RARB: variants seen among roughly 807,000 people sequenced by gnomAD.
RARB encodes the protein HBV-activated protein.
In RARB, 17 loss-of-function variants were observed where a neutral mutation model predicts 51.9. The observed-to-expected ratio is 0.33, with a 90% CI of 0.22 to 0.49. The LOEUF (loss-of-function observed/expected upper bound fraction) is 0.49, where lower values mean the gene tolerates loss of function less well. Among genes scored for constraint, RARB ranks in the 20% least tolerant of loss-of-function variants. RARB has a pLI of 0.99. For missense variants in RARB, 369 were observed against 550.8 expected (o/e 0.67, Z 3.30); for synonymous variants, 215 against 195.4 (o/e 1.10, Z -0.84).
At chr3:25,368,855 G>A (rs1045523925) in intron 5 of RARB, among the ~76,000 whole-genome samples, 5 of 152,106 alleles carry the variant, frequency 3.3e-5, no homozygotes, top group African/African-American at 1.2e-4. Context: ...AGACCCGTTT[G>A]GATAGTCATT....
chr3:25,033,592 T>G (rs532546189), intron 2 of RARB, among the ~76,000 whole-genome samples: 1 of 152,114 alleles, frequency 6.6e-6, no homozygotes, highest in Non-Finnish European at 1.5e-5. Context: ...ATGTTGACAA[T>G]CAGGTCAACA....
intron 2 of RARB, chr3:25,462,522 C>T (rs1695235948): frequency 6.6e-6 from 1 of 152,206 alleles, no homozygotes; most frequent in African/African-American, 2.4e-5. Flanking sequence ...TACAGGTACT[C>T]CATGGCATTT....
At chr3:25,510,024 A>G (rs1387540159) in intron 3 of RARB, among the ~76,000 whole-genome samples, 3 of 152,122 alleles carry the variant, frequency 2.0e-5, no homozygotes, top group Non-Finnish European at 4.4e-5. Flanking sequence ...GCTGGGGAGG[A>G]TATCAGTGGT....
intron 2 of RARB, among the ~76,000 whole-genome samples, chr3:25,488,394 A>C (rs926124443): frequency 6.6e-5 from 10 of 152,224 alleles, no homozygotes; most frequent in African/African-American, 2.4e-4. Flanking sequence ...GGAGAGACTG[A>C]AGTGCTTTTG....
At chr3:25,362,407 G>T (rs574403347) in intron 5 of RARB, among the ~76,000 whole-genome samples, 51 of 152,326 alleles carry the variant, frequency 3.3e-4, no homozygotes, top group African/African-American at 1.1e-3. Context: ...CATTCCAGTG[G>T]ATTTTAGCTT....
intron 3 of RARB, among the ~76,000 whole-genome samples, chr3:25,556,551 A>G (rs1575516217): frequency 6.6e-6 from 1 of 152,216 alleles, no homozygotes; most frequent in African/African-American, 2.4e-5. Flanking sequence ...TGAGCCATAT[A>G]TAGCTTTGGA....
intron 5 of RARB, among the ~76,000 whole-genome samples, chr3:25,321,982 T>C (rs936041158): frequency 6.6e-6 from 1 of 150,888 alleles, no homozygotes; most frequent in Non-Finnish European, 1.5e-5. Flanking sequence ...AATTAAAAGA[T>C]AATAGTTGAA....
intron 2 of RARB, among the ~76,000 whole-genome samples, chr3:25,473,377 T>C (rs1193296356): frequency 3.3e-5 from 5 of 150,966 alleles, no homozygotes. Context: ...TTGTCTGGGG[T>C]GAAGGGGAAA....
intron 5 of RARB, among the ~76,000 whole-genome samples, chr3:25,397,998 A>G (rs74718943): frequency 0.058 from 8,872 of 152,206 alleles, 282 homozygotes; most frequent in African/African-American, 0.09. Context: ...AGTCTTTAAA[A>G]TTTAGGCTGA....
At chr3:25,296,930 C>T (rs1473687516) in intron 5 of RARB, among the ~76,000 whole-genome samples, 1 of 152,186 alleles carries the variant, frequency 6.6e-6, no homozygotes, top group African/African-American at 2.4e-5. Context: ...CCTTCAGTGT[C>T]ATGGGCAGTC....
At chr3:25,578,154 A>G (rs1316163381) in intron 4 of RARB, among the ~76,000 whole-genome samples, 1 of 152,248 alleles carries the variant, frequency 6.6e-6, no homozygotes, top group Non-Finnish European at 1.5e-5. Flanking sequence ...TGCTCCCCAC[A>G]GCCGCCTTCA....
intron 5 of RARB, among the ~76,000 whole-genome samples, chr3:25,333,748 G>C (rs985164189): frequency 1.3e-5 from 2 of 152,128 alleles, no homozygotes; most frequent in African/African-American, 4.8e-5. Context: ...GCAACCTACA[G>C]AATGGGAGTA....
At chr3:25,262,629 A>G (rs1272512849) in intron 5 of RARB, among the ~76,000 whole-genome samples, 6 of 152,084 alleles carry the variant, frequency 3.9e-5, no homozygotes, top group Non-Finnish European at 7.3e-5. Context: ...TTCTCACACT[A>G]TATCAATCTG....
chr3:25,391,300 G>T (rs577831448), intron 5 of RARB, among the ~76,000 whole-genome samples: 299 of 152,112 alleles, frequency 2.0e-3, no homozygotes, highest in Non-Finnish European at 3.7e-3. Context: ...ATTGTCTTAT[G>T]GGCATTTGGG....
chr3:25,276,890 G>A (rs1453408732), intron 5 of RARB, among the ~76,000 whole-genome samples: 1 of 152,120 alleles, frequency 6.6e-6, no homozygotes, highest in African/African-American at 2.4e-5. Flanking sequence ...CTGTATAACA[G>A]CTCATAAAAT....
chr3:25,317,277 G>T (rs1270673004), intron 5 of RARB, among the ~76,000 whole-genome samples: 2 of 152,046 alleles, frequency 1.3e-5, no homozygotes, highest in Non-Finnish European at 2.9e-5. Context: ...GTGGTTGGAT[G>T]AAAGGGAGGG....
chr3:25,222,933 G>T (rs1198327635), intron 5 of RARB, among the ~76,000 whole-genome samples: 1 of 152,132 alleles, frequency 6.6e-6, no homozygotes, highest in African/African-American at 2.4e-5. Context: ...TTACCAGAAT[G>T]AATAGGATTT....
intron 5 of RARB, among the ~76,000 whole-genome samples, chr3:25,210,019 C>T (rs1477887489): frequency 6.6e-6 from 1 of 152,172 alleles, no homozygotes; most frequent in Non-Finnish European, 1.5e-5. Context: ...AATTACCCCA[C>T]AAGACATTCT....
chr3:25,186,166 T>A (rs1332532344), intron 5 of RARB, among the ~76,000 whole-genome samples: 1 of 152,010 alleles, frequency 6.6e-6, no homozygotes, highest in Non-Finnish European at 1.5e-5. Context: ...AACAAAAGAT[T>A]TTATTTCACT....
Sources: gnomAD v4.1 joint callset for allele counts (sites outside exome capture counted in the v4.1 genomes callset) on GRCh38, gnomAD v4.1.1 for gene constraint, MANE v1.5 for transcripts, NCBI Gene and HGNC (gene_info 2026-07-23, HGNC 2026-07-21) for gene names.